The following ABCA12 variants were observed in gnomAD, a reference collection of about 807,000 sequenced individuals.
ABCA12 encodes the protein glucosylceramide transporter ABCA12.
ABCA12 carries 156 observed loss-of-function variants against 293.5 expected under a neutral mutation model. That is an observed-to-expected ratio of 0.53 (90% CI 0.47 to 0.61). ABCA12 has a LOEUF of 0.61. ABCA12 is among the 20% of genes least tolerant of loss of function. ABCA12 has a pLI of 0.00. For missense variants in ABCA12, 2,797 were observed against 3,090.2 expected (o/e 0.91, Z 2.25); for synonymous variants, 1,063 against 1,108.0 (o/e 0.96, Z 0.81).
intron 2 of ABCA12, among the ~76,000 whole-genome samples, chr2:215,109,062 C>T (rs1702518599): frequency 6.7e-6 from 1 of 150,140 alleles, no homozygotes; most frequent in African/African-American, 2.4e-5. Flanking sequence ...GCAAGACTGT[C>T]TCAAAAAAAA....
In ABCA12 at chr2:215,000,640, T is replaced by A. The variant is rs544909507; in HGVS notation, c.3179+65A>T. ...CTTTCATGTAATACATCTGAATGAA[T>A]GGACTGAAGTGAGTTCTCAGAAAAG... On this transcript the variant is annotated intron_variant, in intron 22 of 52. Transcript: ENST00000272895. The A allele has an allele frequency of 1.4e-4, 224 of 1,568,806 alleles. No individual in the cohort carries two copies. In the African/African-American group the frequency reaches 2.5e-3, roughly 18 times the overall value.
rs1702131758 is a variant in ABCA12 at position 215,091,057 on chromosome 2, T to C, written c.163+20540A>G. On this transcript the variant is annotated intron_variant, in intron 2 of 52. Transcript: ENST00000272895. ...AAATGGGCAAATGGTCTGAGGTGCC[T>C]GACGTCCAGGCATTCTTTTACACAT... is the stretch of plus-strand genomic sequence containing the variant. Among the ~76,000 whole-genome samples the C allele has an allele frequency of 2.6e-5, 4 of 152,268 alleles. No individual in the cohort carries two copies. In the South Asian group the frequency reaches 8.3e-4, roughly 32 times the overall value.
At chr2:215,119,883 T>G (rs1470930322) in intron 1 of ABCA12, among the ~76,000 whole-genome samples, 2 of 152,002 alleles carry the variant, frequency 1.3e-5, no homozygotes, top group Non-Finnish European at 2.9e-5. Flanking sequence ...CAAAAAAACT[T>G]AAAACAAAGC....
At chr2:215,015,786 A>C (rs927972524) in intron 14 of ABCA12, 123 bp from the exon 15 acceptor site, 1 of 826,766 alleles carries the variant, frequency 1.2e-6, no homozygotes, top group Non-Finnish European at 2.0e-6. Context: ...AGAATCAAAC[A>C]ACTTTTCATC....
intron 19 of ABCA12, among the ~76,000 whole-genome samples, chr2:215,005,309 G>T (rs1238771449): frequency 6.6e-6 from 1 of 152,156 alleles, no homozygotes; most frequent in Non-Finnish European, 1.5e-5. Context: ...TAAATTCATG[G>T]CCTGGTTTTT....
intron 6 of ABCA12, among the ~76,000 whole-genome samples, chr2:215,047,025 G>A (rs980037836): frequency 7.2e-5 from 11 of 152,170 alleles, no homozygotes; most frequent in African/African-American, 2.7e-4. Context: ...GCTGAACAAT[G>A]AGAACACATG....
At chr2:215,024,403 T>C (rs184999815) in intron 11 of ABCA12, among the ~76,000 whole-genome samples, 67 of 152,214 alleles carry the variant, frequency 4.4e-4, no homozygotes, top group African/African-American at 1.5e-3. Context: ...ATAAATATTA[T>C]AGGAGCACAG....
At chr2:215,097,158 C>A (rs749315049) in intron 2 of ABCA12, among the ~76,000 whole-genome samples, 1 of 152,092 alleles carries the variant, frequency 6.6e-6, no homozygotes, top group South Asian at 2.1e-4. Flanking sequence ...GCAAAATAAG[C>A]CCTTTACCCC....
chr2:215,091,507 T>G (rs1309796548), intron 2 of ABCA12, among the ~76,000 whole-genome samples: 1 of 152,206 alleles, frequency 6.6e-6, no homozygotes, highest in Non-Finnish European at 1.5e-5. Context: ...CCAGCCCAGT[T>G]CATGGCTCAT....
At chr2:215,022,512 C>T (rs1453008371) in intron 11 of ABCA12, 1 of 152,186 alleles carries the variant, frequency 6.6e-6, no homozygotes, top group Non-Finnish European at 1.5e-5. Flanking sequence ...CATTAATCAT[C>T]AACATAAATT....
chr2:214,974,719 A>G, intron 35 of ABCA12, 59 bp downstream of exon 35: 1 of 1,492,414 alleles, frequency 6.7e-7, no homozygotes, highest in Non-Finnish European at 9.3e-7. Context: ...CCACATACAC[A>G]TGCACACACT....
At chr2:215,099,106 A>G (rs1437384637) in intron 2 of ABCA12, among the ~76,000 whole-genome samples, 3 of 152,232 alleles carry the variant, frequency 2.0e-5, no homozygotes, top group Admixed American at 6.5e-5. Context: ...GCTCTAAGGC[A>G]TTTAAGGGCA....
In ABCA12 at chr2:214,982,352, G is replaced by T; in HGVS notation, c.4414C>A (p.Arg1472Ser). The T allele has an allele frequency of 6.2e-7, 1 of 1,613,846 alleles. No individual in the cohort carries two copies. Among genetic ancestry groups the T allele is most frequent in the Non-Finnish European group, 8.5e-7 (1 of 1,179,886 alleles). Reference protein sequence around the residue: ...TLKDTGLYSHRHKRVGTLSGG... With the variant: ...TLKDTGLYSHSHKRVGTLSGG... ...GACAGTGTTCCAACTCTCTTATGAC[G>T]ATGGCTATATAGTCCAGTATCTTTT... Residue 1472 changes from arginine to serine, a missense_variant, in exon 30 of 53, where the codon CGT (arginine) becomes AGT (serine). Physicochemically the swap from Arg to Ser is moderately radical, Grantham distance 110. This residue lies in a region of ABCA12 where 2,130 missense variants were observed against 2,427.0 expected (regional missense o/e 0.88). Transcript: ENST00000272895.
chr2:215,066,993 A>G (rs1701652237), intron 2 of ABCA12, among the ~76,000 whole-genome samples: 1 of 152,176 alleles, frequency 6.6e-6, no homozygotes, highest in African/African-American at 2.4e-5. Context: ...ATATACATGA[A>G]CTTTAAATTC....
intron 13 of ABCA12, 150 bp from the exon 14 acceptor site, chr2:215,018,282 T>A: frequency 1.1e-6 from 1 of 883,304 alleles, no homozygotes. Flanking sequence ...GTTGCATATT[T>A]AGGATCTATT....
At chr2:214,956,814 C>G in intron 41 of ABCA12, 36 bp from the exon 42 acceptor site, 1 of 1,356,698 alleles carries the variant, frequency 7.4e-7, no homozygotes, top group African/African-American at 1.6e-5. Context: ...TAATACGTGA[C>G]AAGCATTTTT....
Position 215,031,861 on chromosome 2 carries a change from C to T in ABCA12, c.1021G>A (p.Asp341Asn). The change falls in exon 9 of 53, where the codon GAT becomes AAT. Residue 341 changes from aspartate (D) to asparagine (N), a missense_variant. Around this residue, in one of 3 missense-constraint regions of ABCA12, gnomAD observed 656 missense variants for 638.2 expected, o/e 1.03. Coordinates refer to ENST00000272895, the MANE Select transcript of ABCA12 (RefSeq NM_173076.3). ...CTTGGAGATAAGGTCTGTCCATCAT[C>T]CTCATTCCACACATGCGTTATATTA... The part of the protein sequence containing the change: ...SDNITHVWNE[D>N]DGQTLSPSSL... 1 of 1,614,000 alleles carries T rather than the reference C, an allele frequency of 6.2e-7. No homozygotes were observed. The highest frequency in any genetic ancestry group is 8.5e-7 in the Non-Finnish European group (1 of 1,179,952).
intron 39 of ABCA12, chr2:214,961,840 A>G (rs1471552012): frequency 6.6e-6 from 1 of 152,176 alleles, no homozygotes; most frequent in Non-Finnish European, 1.5e-5. Context: ...GGAAAAAAAT[A>G]CTGTTTTCTC....
chr2:214,994,747 A>G lies in ABCA12; in HGVS notation c.3294+2948T>C, dbSNP rs1399945633. Among the ~76,000 whole-genome samples, 6 of 152,224 alleles carry G rather than the reference A, an allele frequency of 3.9e-5. No individual in the cohort carries two copies. In the East Asian group the frequency reaches 1.2e-3, roughly 29 times the overall value. ...GGGGTGGATTAATGTATGTCAGGAAAGCACAAAAAAATTGTTTAATGTGAA... is the reference window on the plus strand; with the variant it reads ...GGGGTGGATTAATGTATGTCAGGAAGGCACAAAAAAATTGTTTAATGTGAA... On this transcript the variant is annotated intron_variant, in intron 23 of 52. Coordinates refer to ENST00000272895, the MANE Select transcript of ABCA12 (RefSeq NM_173076.3).
Sources: allele counts gnomAD v4.1 joint callset (sites outside exome capture counted in the v4.1 genomes callset), GRCh38; gene constraint gnomAD v4.1.1; regional missense constraint gnomAD v4.1.1; transcripts MANE v1.5; gene names NCBI Gene and HGNC (gene_info 2026-07-23, HGNC 2026-07-21).